The following CELF2 variants were observed in gnomAD, a reference collection of about 807,000 sequenced individuals.
The protein encoded by CELF2 is CUG triplet repeat RNA-binding protein 2.
In CELF2, 8 loss-of-function variants were observed where a neutral mutation model predicts 62.6. The observed-to-expected ratio is 0.13, with a 90% CI of 0.07 to 0.23. The LOEUF (loss-of-function observed/expected upper bound fraction) is 0.23, where lower values mean the gene tolerates loss of function less well. Among genes scored for constraint, CELF2 ranks in the 10% least tolerant of loss-of-function variants. CELF2 has a pLI of 1.00. For synonymous variants in CELF2, 258 were observed against 250.0 expected (o/e 1.03, Z -0.30); for missense variants, 333 against 671.0 (o/e 0.50, Z 5.56).
chr10:10,546,622 G>A, the CELF2 span, among the ~76,000 whole-genome samples: 5 of 152,072 alleles, frequency 3.3e-5, no homozygotes, highest in Admixed American at 3.3e-4. Context: ...GGACAATTAC[G>A]GGTCATAATT....
chr10:11,187,641 TTC>T (rs2075306687), intron 2 of CELF2, among the ~76,000 whole-genome samples: 1 of 151,940 alleles, frequency 6.6e-6, no homozygotes. Flanking sequence ...TCATTTTACC[TTC>T]TTTGTTGGCT....
At chr10:10,884,418 A>G (rs1418701570) in intron 1 of CELF2, among the ~76,000 whole-genome samples, 1 of 152,172 alleles carries the variant, frequency 6.6e-6, no homozygotes, top group East Asian at 1.9e-4. Flanking sequence ...CCATTGCTAA[A>G]CCTGCTTTTA....
intron 1 of CELF2, among the ~76,000 whole-genome samples, chr10:11,116,316 G>A (rs2056553792): frequency 6.6e-6 from 1 of 152,196 alleles, no homozygotes; most frequent in African/African-American, 2.4e-5. Context: ...AATCACCAGA[G>A]ATGCCTGAGT....
At chr10:10,630,155 G>A in the CELF2 span, among the ~76,000 whole-genome samples, 1 of 152,034 alleles carries the variant, frequency 6.6e-6, no homozygotes, top group Admixed American at 6.6e-5. Flanking sequence ...CTTTAACACA[G>A]ACCTATGATT....
rs2653526 is a variant in CELF2 at position 11,243,344 on chromosome 10, A to C, written c.355-5809A>C. 0.34 allele frequency among the ~76,000 whole-genome samples: 51,269 copies of C among 148,834 alleles called. 8,980 individuals carry two copies. The highest frequency in any genetic ancestry group is 0.4 in the Middle Eastern group (112 of 282). On this transcript the variant is annotated intron_variant, in intron 3 of 12. Coordinates refer to ENST00000633077, the MANE Select transcript of CELF2 (RefSeq NM_001326342.2). This position sits in a 1 kb window ranked among gnomAD's most constrained non-coding sequence, Gnocchi z 4.1. ...ACCATGTACCTTAACGTGCGGCTTT[A>C]GGCAAAATGTTATTCAAAAAAAAAA...
chr10:10,482,477 G>T, the CELF2 span, among the ~76,000 whole-genome samples: 1 of 152,150 alleles, frequency 6.6e-6, no homozygotes, highest in Non-Finnish European at 1.5e-5. Context: ...TGTTAAAAAA[G>T]TTTCCTTCAC....
chr10:10,629,265 C>T, the CELF2 span, among the ~76,000 whole-genome samples: 24 of 152,110 alleles, frequency 1.6e-4, no homozygotes, highest in African/African-American at 4.8e-4. Context: ...TTTGGGCCTC[C>T]GCCCTGAACA....
At position 11,315,661 on chromosome 10, in the gene CELF2, TCGTGATTAG is replaced by T. The variant is rs1159114055; in HGVS notation, c.1096+1408_1096+1416del. Among the ~76,000 whole-genome samples, 2 of 152,196 alleles carry T rather than the reference TCGTGATTAG, an allele frequency of 1.3e-5. No individual in the cohort carries two copies. The highest frequency in any genetic ancestry group is 4.8e-5 in the African/African-American group (2 of 41,440). On this transcript the variant is annotated intron_variant, in intron 10 of 12. Coordinates refer to ENST00000633077, the MANE Select transcript of CELF2 (RefSeq NM_001326342.2). The surrounding 1 kb of genome is among the most constrained non-coding windows in gnomAD (Gnocchi z 5.8). ...GACCATACCTCCCAAATGGGACGGC[TCGTGATTAG>T]CGTGGAGCCCGTGAAGTGGTAGCTG... is the stretch of plus-strand genomic sequence containing the variant.
At chr10:10,698,713 T>G in the CELF2 span, among the ~76,000 whole-genome samples, 2 of 152,200 alleles carry the variant, frequency 1.3e-5, no homozygotes, top group Non-Finnish European at 2.9e-5. Context: ...AGACTTCTCA[T>G]AGCGGTCATC....
In CELF2 at chr10:11,159,503, A is replaced by G. The variant is rs1195455691; in HGVS notation, c.75-5983A>G. Reference sequence around the variant, plus strand: ...ATCGAAAGGATGCGCTAAGTTGAGCATGGACAGGGCGCCTCCTGAGGGTAG... The same window carrying G: ...ATCGAAAGGATGCGCTAAGTTGAGCGTGGACAGGGCGCCTCCTGAGGGTAG... On this transcript the variant is annotated intron_variant, in intron 1 of 12. Coordinates refer to ENST00000633077, the MANE Select transcript of CELF2 (RefSeq NM_001326342.2). The surrounding 1 kb of genome is among the most constrained non-coding windows in gnomAD (Gnocchi z 5.0). Among the ~76,000 whole-genome samples, 2 of 152,218 alleles carry G rather than the reference A, an allele frequency of 1.3e-5. No homozygotes were observed. The highest frequency in any genetic ancestry group is 2.9e-5 in the Non-Finnish European group (2 of 68,040).
At chr10:10,526,173 T>C in the CELF2 span, among the ~76,000 whole-genome samples, 4 of 152,374 alleles carry the variant, frequency 2.6e-5, no homozygotes, top group South Asian at 8.3e-4. Context: ...GTTAGATTTT[T>C]ATTCTGGTTT....
intron 1 of CELF2, among the ~76,000 whole-genome samples, chr10:10,835,740 A>C (rs2058236747): frequency 6.6e-6 from 1 of 152,150 alleles, no homozygotes; most frequent in Non-Finnish European, 1.5e-5. Context: ...CTGAGTTTGC[A>C]TGCCACGGTA....
chr10:10,953,049 T>A lies in CELF2; in HGVS notation c.89+33050T>A, dbSNP rs1327027853. Among the ~76,000 whole-genome samples the A allele has an allele frequency of 4.6e-5, 7 of 152,322 alleles. No homozygotes were observed. In the East Asian group the frequency reaches 1.3e-3, roughly 29 times the overall value. ...CCATCACCTTCACATTGTGAGAAGA[T>A]AAAATGCAATGCTCATCATGGATGA... is the stretch of plus-strand genomic sequence containing the variant. On this transcript the variant is annotated intron_variant, in intron 2 of 13. Coordinates refer to the CELF2 transcript ENST00000636488.
chr10:11,205,733 A>G, intron 2 of CELF2, among the ~76,000 whole-genome samples: 1 of 152,204 alleles, frequency 6.6e-6, no homozygotes, highest in East Asian at 1.9e-4. Flanking sequence ...TGAATTTCTT[A>G]AATGATTTCC....
Position 11,315,364 on chromosome 10 carries a change from G to A in CELF2, c.1096+1106G>A, listed in dbSNP as rs914397268. 6.6e-6 allele frequency among the ~76,000 whole-genome samples: 1 copy of A among 152,160 alleles called. No individual in the cohort carries two copies. The highest frequency in any genetic ancestry group is 6.5e-5 in the Admixed American group (1 of 15,272). On this transcript the variant is annotated intron_variant, in intron 10 of 12. Coordinates refer to ENST00000633077, the MANE Select transcript of CELF2 (RefSeq NM_001326342.2). The surrounding 1 kb of genome is among the most constrained non-coding windows in gnomAD (Gnocchi z 5.8). Reference sequence around the variant, plus strand: ...CGTGACAGTTGTTGCCCTATTTTAAGCCATGGTTCAATAAGTGGACTGTTT... The same window carrying A: ...CGTGACAGTTGTTGCCCTATTTTAAACCATGGTTCAATAAGTGGACTGTTT...
At chr10:10,525,546 A>G in the CELF2 span, among the ~76,000 whole-genome samples, 2 of 152,114 alleles carry the variant, frequency 1.3e-5, no homozygotes, top group Non-Finnish European at 2.9e-5. Flanking sequence ...CTCTGCTTCT[A>G]TGGTTTCAAC....
chr10:11,280,524 A>T lies in CELF2; in HGVS notation c.841+5404A>T, dbSNP rs2088033065. The stretch of plus-strand genomic sequence containing the variant: ...TCCATCTGTGGTGGGAGGAGCCAAG[A>T]CATCAGCCACCAGGGACGTGCATCG... On this transcript the variant is annotated intron_variant, in intron 8 of 12. Coordinates refer to ENST00000633077, the MANE Select transcript of CELF2 (RefSeq NM_001326342.2). The surrounding 1 kb of genome is among the most constrained non-coding windows in gnomAD (Gnocchi z 7.6). Among the ~76,000 whole-genome samples the T allele has an allele frequency of 6.6e-6, 1 of 152,176 alleles. No homozygotes were observed. Among genetic ancestry groups the T allele is most frequent in the South Asian group, 2.1e-4 (1 of 4,832 alleles).
At chr10:10,599,623 GA>G in the CELF2 span, among the ~76,000 whole-genome samples, 1 of 152,096 alleles carries the variant, frequency 6.6e-6, no homozygotes, top group East Asian at 1.9e-4. Flanking sequence ...TTAAAAGAGT[GA>G]AAAGGTTATC....
At chr10:11,230,546 T>C (rs1394369428) in intron 3 of CELF2, among the ~76,000 whole-genome samples, 2 of 152,208 alleles carry the variant, frequency 1.3e-5, no homozygotes, top group Admixed American at 6.5e-5. Context: ...CCCTGTTTCC[T>C]TCCAGACATT....
Sources: gnomAD v4.1 joint callset for allele counts (sites outside exome capture counted in the v4.1 genomes callset) on GRCh38, gnomAD v4.1.1 for gene constraint, Gnocchi (gnomAD v3.1) non-coding constraint, MANE v1.5 for transcripts, NCBI Gene and HGNC (gene_info 2026-07-23, HGNC 2026-07-21) for gene names.